The following HDAC4 variants were observed in gnomAD, a reference collection of about 807,000 sequenced individuals.
HDAC4 encodes histone deacetylase 4.
HDAC4 carries 16 observed loss-of-function variants against 135.1 expected under a neutral mutation model. That is an observed-to-expected ratio of 0.12 (90% CI 0.08 to 0.18). HDAC4 has a LOEUF of 0.18. Among genes scored for constraint, HDAC4 ranks in the 10% least tolerant of loss-of-function variants. The probability of loss-of-function intolerance (pLI) is 1.00; values close to 1 mark genes in which losing one functional copy is unlikely to be tolerated. For missense variants in HDAC4, 1,143 were observed against 1,511.8 expected, an observed-to-expected ratio of 0.76 and a Z score of 4.05; for synonymous variants, 685 against 653.4, an observed-to-expected ratio of 1.05 and a Z score of -0.74.
chr2:239,155,271 C>T (rs2152946563), intron 7 of HDAC4, among the ~76,000 whole-genome samples: 1 of 151,896 alleles, frequency 6.6e-6, no homozygotes, highest in African/African-American at 2.4e-5. Flanking sequence ...ATATGGTCCA[C>T]TCCACCTGGG....
chr2:239,110,835 G>A (rs2038602297), intron 14 of HDAC4, among the ~76,000 whole-genome samples: 1 of 152,228 alleles, frequency 6.6e-6, no homozygotes, highest in South Asian at 2.1e-4. Flanking sequence ...GTGGCTGGGT[G>A]GCGGGGCGGC....
At chr2:239,142,960 C>T (rs1165161762) in intron 8 of HDAC4, among the ~76,000 whole-genome samples, 5 of 151,498 alleles carry the variant, frequency 3.3e-5, no homozygotes, top group Non-Finnish European at 5.9e-5. Context: ...CGCCCTGTGA[C>T]GCATGGCTCC....
At chr2:239,067,119 C>T (rs1002350755) in intron 23 of HDAC4, 25 of 547,822 alleles carry the variant, frequency 4.6e-5, no homozygotes, top group Non-Finnish European at 7.6e-5. Flanking sequence ...GGCAGCCAGC[C>T]CCACCCAGAG....
chr2:239,325,769 AG>A (rs1453357102), intron 2 of HDAC4, among the ~76,000 whole-genome samples: 2 of 152,070 alleles, frequency 1.3e-5, no homozygotes, highest in African/African-American at 4.8e-5. Context: ...GTTCGAGACC[AG>A]CCTGGTCAAC....
chr2:239,214,671 G>T (rs572359600), intron 3 of HDAC4, among the ~76,000 whole-genome samples: 5 of 152,258 alleles, frequency 3.3e-5, no homozygotes, highest in Non-Finnish European at 7.3e-5. Context: ...CTCAGCACAC[G>T]TGTTGATAGC....
In HDAC4 at chr2:239,157,868, C is replaced by T. The variant is rs1024380845; in HGVS notation, c.612-1095G>A. On this transcript the variant is annotated intron_variant, in intron 6 of 26. Coordinates refer to ENST00000543185, the MANE Select transcript of HDAC4 (RefSeq NM_001378414.1). ...GAACTCATAGACAAAATTGAGGAGC[C>T]GAGCCCAGGCACCTGGGCAGTGGGG... Among the ~76,000 whole-genome samples the T allele has an allele frequency of 6.6e-5, 10 of 152,144 alleles. No homozygotes were observed. The East Asian group carries it at 7.7e-4, about 12-fold the overall frequency.
At chr2:239,356,468 G>A (rs1032692501) in intron 1 of HDAC4, among the ~76,000 whole-genome samples, 9 of 152,150 alleles carry the variant, frequency 5.9e-5, no homozygotes, top group African/African-American at 9.7e-5. Context: ...GTTTTATAAC[G>A]TACAGTCAAT....
In HDAC4 at chr2:239,394,996, A is replaced by G. The variant is rs1696467092; in HGVS notation, c.-220+5982T>C. Among the ~76,000 whole-genome samples the G allele has an allele frequency of 1.3e-5, 2 of 152,242 alleles. 1 individual carries two copies. The highest frequency in any genetic ancestry group is 4.1e-4 in the South Asian group (2 of 4,834). On this transcript the variant is annotated intron_variant, in intron 1 of 26. Transcript: ENST00000543185. ...AATGGGATGCTGTTAGAAAGGAGGA[A>G]AAAAGCTATTAGGCTAAGTTTAACA...
intron 2 of HDAC4, among the ~76,000 whole-genome samples, chr2:239,329,018 T>C (rs2125807765): frequency 6.6e-6 from 1 of 152,364 alleles, no homozygotes; most frequent in African/African-American, 2.4e-5. Flanking sequence ...GCTGAGCTCC[T>C]TCCTCCAGGC....
At chr2:239,320,253 G>C (rs545454218) in intron 2 of HDAC4, among the ~76,000 whole-genome samples, 15 of 151,856 alleles carry the variant, frequency 9.9e-5, no homozygotes, top group Admixed American at 8.5e-4. Flanking sequence ...GTGGTGGGAG[G>C]CGCCTGTAAT....
At chr2:239,343,147 A>C (rs1345334488) in intron 2 of HDAC4, among the ~76,000 whole-genome samples, 2 of 152,250 alleles carry the variant, frequency 1.3e-5, no homozygotes, top group African/African-American at 4.8e-5. Context: ...AATTCAAAAA[A>C]GTTTAGGTAT....
At chr2:239,089,924 G>A (rs2036344934) in intron 18 of HDAC4, 85 bp downstream of exon 18, 2 of 968,788 alleles carry the variant, frequency 2.1e-6, no homozygotes, top group South Asian at 2.6e-5. Context: ...CTGATGAGAG[G>A]GAGACGGAGT....
rs533298555 is a variant in HDAC4, at chr2:239,400,133, G to A, written c.-220+845C>T. ...CAAACGCGGATCCCACCCCCGAGCG[G>A]GACCGGGCCCCGTCTCGGCCTGCTG... On this transcript the variant is annotated intron_variant, in intron 1 of 26. Transcript: ENST00000543185. This position sits in a 1 kb window ranked among gnomAD's most constrained non-coding sequence, Gnocchi z 4.7. Among the ~76,000 whole-genome samples the A allele has an allele frequency of 4.7e-4, 72 of 151,898 alleles. No individual in the cohort carries two copies. Among genetic ancestry groups the A allele is most frequent in the African/African-American group, 1.6e-3 (65 of 41,488 alleles).
At chr2:239,237,044 C>A (rs550066185) in intron 2 of HDAC4, among the ~76,000 whole-genome samples, 1 of 152,072 alleles carries the variant, frequency 6.6e-6, no homozygotes, top group Non-Finnish European at 1.5e-5. Flanking sequence ...TAGTGACAAA[C>A]GGTCTGGACG....
intron 24 of HDAC4, among the ~76,000 whole-genome samples, chr2:239,058,908 C>T (rs750245376): frequency 2.0e-5 from 3 of 152,164 alleles, no homozygotes; most frequent in African/African-American, 7.2e-5. Context: ...ACGGAGAGGA[C>T]ACATTATCCC....
At chr2:239,132,964 G>A (rs780014015) in intron 11 of HDAC4, among the ~76,000 whole-genome samples, 10 of 152,146 alleles carry the variant, frequency 6.6e-5, no homozygotes, top group Non-Finnish European at 1.3e-4. Context: ...AGAGAGATCC[G>A]CGTGCCTGCC....
At chr2:239,353,280 G>A (rs1693281751) in intron 1 of HDAC4, among the ~76,000 whole-genome samples, 1 of 152,186 alleles carries the variant, frequency 6.6e-6, no homozygotes, top group Admixed American at 6.5e-5. Context: ...CTCCCAAAGT[G>A]CTGGGATTAC....
chr2:239,189,375 T>C (rs1353875132), intron 4 of HDAC4, among the ~76,000 whole-genome samples: 1 of 152,188 alleles, frequency 6.6e-6, no homozygotes, highest in Non-Finnish European at 1.5e-5. Context: ...TCTTACCGCA[T>C]TTAAATTAAA....
intron 6 of HDAC4, among the ~76,000 whole-genome samples, chr2:239,158,371 T>C (rs932287451): frequency 6.6e-6 from 1 of 152,178 alleles, no homozygotes; most frequent in African/African-American, 2.4e-5. Flanking sequence ...AAGATCAGTA[T>C]TTACATAATA....
Sources: allele counts gnomAD v4.1 joint callset (sites outside exome capture counted in the v4.1 genomes callset), GRCh38; gene constraint gnomAD v4.1.1; non-coding constraint Gnocchi (gnomAD v3.1); transcripts MANE v1.5; gene names NCBI Gene and HGNC (gene_info 2026-07-23, HGNC 2026-07-21).